The following VPS13B variants were observed in gnomAD, a reference collection of about 807,000 sequenced individuals.
VPS13B encodes vacuolar protein sorting 13 homolog B.
In VPS13B, 285 loss-of-function variants were observed where a neutral mutation model predicts 426.4. That is an observed-to-expected ratio of 0.67 (90% CI 0.61 to 0.74). The LOEUF (loss-of-function observed/expected upper bound fraction) is 0.74, where lower values mean the gene tolerates loss of function less well. Among genes scored for constraint, VPS13B ranks in the 30% least tolerant of loss-of-function variants. VPS13B has a pLI of 0.00. For synonymous variants in VPS13B, 1,676 were observed against 1,676.4 expected, an observed-to-expected ratio of 1.00 and a Z score of 0.01; for missense variants, 4,537 against 4,782.6, an observed-to-expected ratio of 0.95 and a Z score of 1.51.
intron 33 of VPS13B, among the ~76,000 whole-genome samples, chr8:99,589,614 A>G (rs1254369668): frequency 6.6e-6 from 1 of 151,600 alleles, no homozygotes. Flanking sequence ...GTTTTTGGAC[A>G]TTTCGGTTGG....
chr8:99,027,324 T>C (rs1842192486), intron 2 of VPS13B, among the ~76,000 whole-genome samples: 1 of 152,222 alleles, frequency 6.6e-6, no homozygotes, highest in Non-Finnish European at 1.5e-5. Context: ...TTGCCTTTTT[T>C]TTTTTAAATA....
chr8:99,637,628 G>A (rs1221706717), intron 33 of VPS13B, among the ~76,000 whole-genome samples: 2 of 152,104 alleles, frequency 1.3e-5, no homozygotes, highest in African/African-American at 4.8e-5. Context: ...ATTTGCTGGA[G>A]ACTAATGTAG....
At chr8:99,737,306 G>A (rs1057139478) in intron 39 of VPS13B, among the ~76,000 whole-genome samples, 2 of 151,226 alleles carry the variant, frequency 1.3e-5, no homozygotes, top group African/African-American at 4.9e-5. Context: ...ATTTTCAGTA[G>A]AGACGGGGTT....
chr8:99,841,822 G>C (rs1300457994), intron 54 of VPS13B, among the ~76,000 whole-genome samples: 1 of 152,084 alleles, frequency 6.6e-6, no homozygotes, highest in African/African-American at 2.4e-5. Context: ...CTCCCTCCCA[G>C]ATTTTAGCCA....
At chr8:99,578,767 C>G (rs906705911) in intron 33 of VPS13B, among the ~76,000 whole-genome samples, 1 of 152,100 alleles carries the variant, frequency 6.6e-6, no homozygotes, top group East Asian at 1.9e-4. Context: ...ATTATTTGTG[C>G]CAATTTTATA....
intron 3 of VPS13B, among the ~76,000 whole-genome samples, chr8:99,047,843 A>T (rs1052212942): frequency 6.6e-6 from 1 of 152,060 alleles, no homozygotes; most frequent in African/African-American, 2.4e-5. Context: ...ACCTGCCACC[A>T]TGCATGACTA....
chr8:99,242,064 T>C (rs942863452), intron 17 of VPS13B, among the ~76,000 whole-genome samples: 13 of 152,100 alleles, frequency 8.5e-5, no homozygotes, highest in African/African-American at 2.2e-4. Context: ...CACTGCAACC[T>C]CCGCCTCCCG....
intron 36 of VPS13B, among the ~76,000 whole-genome samples, chr8:99,709,760 ATGGGATCCTGAG>A (rs1161075147): frequency 6.6e-6 from 1 of 152,198 alleles, no homozygotes; most frequent in African/African-American, 2.4e-5. Flanking sequence ...TAAATGCAAC[ATGGGATCCTGAG>A]TGGGATCCTG....
chr8:99,649,076 A>G (rs1829703006), intron 34 of VPS13B, among the ~76,000 whole-genome samples: 1 of 151,996 alleles, frequency 6.6e-6, no homozygotes, highest in African/African-American at 2.4e-5. Context: ...CTGATGAGGA[A>G]TCCATGTTCA....
At chr8:99,265,920 C>G (rs527776946) in intron 17 of VPS13B, among the ~76,000 whole-genome samples, 8 of 152,256 alleles carry the variant, frequency 5.3e-5, no homozygotes, top group African/African-American at 1.9e-4. Flanking sequence ...GCCTATTTGG[C>G]TCTTGTCTTT....
intron 23 of VPS13B, among the ~76,000 whole-genome samples, chr8:99,465,792 T>C (rs1203339415): frequency 6.6e-6 from 1 of 152,094 alleles, no homozygotes; most frequent in African/African-American, 2.4e-5. Flanking sequence ...AAAAATATTT[T>C]AAATCTTAAG....
chr8:99,535,650 A>G (rs1238130644), intron 30 of VPS13B, among the ~76,000 whole-genome samples: 8 of 152,172 alleles, frequency 5.3e-5, no homozygotes, highest in Admixed American at 6.5e-5. Flanking sequence ...ATAGGAAAGT[A>G]TATTTATCAT....
chr8:99,672,427 T>G (rs1214040657), intron 35 of VPS13B, among the ~76,000 whole-genome samples: 1 of 152,126 alleles, frequency 6.6e-6, no homozygotes, highest in African/African-American at 2.4e-5. Flanking sequence ...TAGCTCTCTG[T>G]TAGTGTATAG....
intron 17 of VPS13B, chr8:99,233,501 G>C (rs1816466020): frequency 7.8e-7 from 1 of 1,283,684 alleles, no homozygotes; most frequent in Non-Finnish European, 1.1e-6. Flanking sequence ...TCCTGCTCTT[G>C]ATAAGAATGC....
In VPS13B at chr8:99,642,267, CTT is replaced by C. The variant is rs886041586; in HGVS notation, c.5678_5679del (p.Leu1893ArgfsTer12). 6.2e-7 allele frequency: 1 copy of C among 1,614,048 alleles called. No homozygotes were observed. Among genetic ancestry groups the C allele is most frequent in the Non-Finnish European group, 8.5e-7 (1 of 1,180,026 alleles). ...PSGKKIGVLS[L>X]ESLHASTRSS... ...AGGGAAAAAAATAGGGGTCCTCTCT[CTT>C]GAAAGTCTTCATGCATCCACAAGGT... On this transcript the variant is annotated frameshift_variant, in exon 34 of 62. Transcript: ENST00000357162. LOFTEE classifies it high-confidence loss of function.
intron 17 of VPS13B, among the ~76,000 whole-genome samples, chr8:99,264,059 G>A (rs1223483058): frequency 6.6e-6 from 1 of 151,894 alleles, no homozygotes; most frequent in African/African-American, 2.4e-5. Context: ...GTTAATAACT[G>A]TCTTGGAGTT....
At chr8:99,772,735 AT>A (rs1811571043) in intron 40 of VPS13B, among the ~76,000 whole-genome samples, 1 of 152,128 alleles carries the variant, frequency 6.6e-6, no homozygotes, top group Non-Finnish European at 1.5e-5. Context: ...TGTGCTTGTT[AT>A]TTGGAGTTAG....
intron 2 of VPS13B, among the ~76,000 whole-genome samples, chr8:99,015,902 G>A (rs956650912): frequency 6.6e-6 from 1 of 152,020 alleles, no homozygotes; most frequent in African/African-American, 2.4e-5. Flanking sequence ...GACTCCATCT[G>A]GGGCAGGGGA....
intron 17 of VPS13B, among the ~76,000 whole-genome samples, chr8:99,256,836 C>T (rs1817767969): frequency 6.6e-6 from 1 of 151,964 alleles, no homozygotes; most frequent in Non-Finnish European, 1.5e-5. Flanking sequence ...GATTGTTTCC[C>T]TCCATTTTCA....
Sources: gnomAD v4.1 joint callset for allele counts (sites outside exome capture counted in the v4.1 genomes callset) on GRCh38, gnomAD v4.1.1 for gene constraint, MANE v1.5 for transcripts, NCBI Gene and HGNC (gene_info 2026-07-23, HGNC 2026-07-21) for gene names.